Variants in MBTPS2 observed in about 807,000 individuals in gnomAD.
The protein encoded by MBTPS2 is membrane-bound transcription factor site-2 protease.
In MBTPS2, 2 loss-of-function variants were observed where a neutral mutation model predicts 35.4. The ratio of observed to expected loss-of-function variants is 0.06; its 90% CI spans 0.02 to 0.18. The LOEUF is 0.18. Among genes scored for constraint, MBTPS2 ranks in the 10% least tolerant of loss-of-function variants. MBTPS2 has a pLI of 1.00. For synonymous variants in MBTPS2, 125 were observed against 140.4 expected (o/e 0.89, Z 0.77); for missense variants, 244 against 386.5 (o/e 0.63, Z 3.09).
chrX:21,859,960 C>T (rs1372163412), intron 5 of MBTPS2, among the ~76,000 whole-genome samples: 3 of 110,151 alleles, frequency 2.7e-5, no homozygotes, highest in South Asian at 3.9e-4. Flanking sequence ...GAGTGTGGGG[C>T]GCACACCTGT....
At chrX:21,882,339 C>T in intron 10 of MBTPS2, 94 bp from the exon 11 acceptor site, 1 of 658,091 alleles carries the variant, frequency 1.5e-6, no homozygotes, top group Non-Finnish European at 2.5e-6. Flanking sequence ...AGTGTAATCT[C>T]TAATTCAGTC....
chrX:21,878,515 C>T lies in MBTPS2; in HGVS notation c.1084C>T (p.Arg362Trp), dbSNP rs747726888. Reference protein sequence around the residue: ...NKRLHTCLPARKAVEATQVCR... With the variant: ...NKRLHTCLPAWKAVEATQVCR... ...TTTATAGCATACATGTCTTCCTGCC[C>T]GGAAAGCAGTTGAAGCAACTCAAGT... Residue 362 changes from arginine (R) to tryptophan (W), a missense_variant, in exon 9 of 11, where the codon CGG becomes TGG. Physicochemically the swap from Arg to Trp is moderately radical, Grantham distance 101. Transcript: ENST00000379484. 8.3e-7 allele frequency: 1 copy of T among 1,206,011 alleles called. No individual in the cohort carries two copies. Among genetic ancestry groups the T allele is most frequent in the South Asian group, 1.8e-5 (1 of 56,796 alleles).
chrX:21,851,529 C>A lies in MBTPS2; in HGVS notation c.459C>A (p.Pro153=), dbSNP rs371946947. The A allele has an allele frequency of 4.2e-6, 5 of 1,202,085 alleles. No homozygotes were observed. The African/African-American group carries it at 8.8e-5, about 21-fold the overall frequency. The change falls in exon 4 of 11, where the codon CCC becomes CCA. Residue 153 remains proline, a synonymous_variant. Transcript: ENST00000379484. ...AACAGGTTCCTGGTATAAATTTACC[C>A]GTCAATCAACTGACCTATTTCTTCA... ...LQVVVPGINL[P]VNQLTYFFTA... is the part of the protein sequence containing the mutation.
intron 5 of MBTPS2, among the ~76,000 whole-genome samples, chrX:21,868,144 A>G (rs2092942772): frequency 9.0e-6 from 1 of 111,582 alleles, no homozygotes; most frequent in East Asian, 2.8e-4. Context: ...AAGATCACAA[A>G]TATGTTTAAA....
chrX:21,868,104 TTTA>T (rs1251673247), intron 5 of MBTPS2, among the ~76,000 whole-genome samples: 1 of 111,886 alleles, frequency 8.9e-6, no homozygotes, highest in Non-Finnish European at 1.9e-5. Context: ...AAGAGTTTTT[TTTA>T]TTTGAATGTA....
intron 5 of MBTPS2, among the ~76,000 whole-genome samples, chrX:21,863,607 G>A (rs1198689709): frequency 9.0e-6 from 1 of 111,337 alleles, no homozygotes; most frequent in Non-Finnish European, 1.9e-5. Flanking sequence ...TTCATATTAG[G>A]GTTAAAATGT....
intron 1 of MBTPS2, among the ~76,000 whole-genome samples, chrX:21,841,293 T>C (rs2092902277): frequency 1.8e-5 from 2 of 110,845 alleles, no homozygotes. Context: ...TGGTGGTGCA[T>C]GCCTGTAGTC....
chrX:21,856,529 C>A (rs771035415), intron 5 of MBTPS2: 1 of 1,211,328 alleles, frequency 8.3e-7, no homozygotes. Flanking sequence ...ACCTGGAGAT[C>A]CCGGCAGATA....
intron 5 of MBTPS2, among the ~76,000 whole-genome samples, chrX:21,864,300 C>T (rs1324521931): frequency 8.9e-6 from 1 of 111,985 alleles, no homozygotes; most frequent in Non-Finnish European, 1.9e-5. Flanking sequence ...ATGGCACGAT[C>T]TTGGCTCACT....
At chrX:21,846,437 C>G (rs1430204578) in intron 3 of MBTPS2, among the ~76,000 whole-genome samples, 1 of 112,085 alleles carries the variant, frequency 8.9e-6, no homozygotes, top group East Asian at 2.8e-4. Flanking sequence ...ATGGCGCGAT[C>G]TCAGCTCACC....
At chrX:21,844,676 G>C (rs2147428958) in intron 2 of MBTPS2, among the ~76,000 whole-genome samples, 1 of 112,017 alleles carries the variant, frequency 8.9e-6, no homozygotes, top group African/African-American at 3.2e-5. Flanking sequence ...AGAAAACATG[G>C]CAGATTATCT....
intron 3 of MBTPS2, 69 bp downstream of exon 3, chrX:21,845,453 G>A (rs1183455921): frequency 3.1e-6 from 3 of 970,966 alleles, no homozygotes; most frequent in Non-Finnish European, 4.3e-6. Flanking sequence ...ATGATCTAGT[G>A]TAACTCCTAT....
At chrX:21,841,141 G>A (rs1023633449) in intron 1 of MBTPS2, among the ~76,000 whole-genome samples, 9 of 111,806 alleles carry the variant, frequency 8.0e-5, no homozygotes, top group Admixed American at 7.6e-4. Context: ...TGATGTGGCC[G>A]GTCACAGTGG....
intron 3 of MBTPS2, among the ~76,000 whole-genome samples, chrX:21,850,131 A>C (rs2092913338): frequency 9.0e-6 from 1 of 111,230 alleles, no homozygotes. Context: ...TCTTCCTCCA[A>C]AATATTTAGG....
chrX:21,878,830 T>C lies in MBTPS2; in HGVS notation c.1261+138T>C. On this transcript the variant is annotated intron_variant, in intron 9 of 10. Coordinates refer to ENST00000379484, the MANE Select transcript of MBTPS2 (RefSeq NM_015884.4). Reference sequence around the variant, plus strand: ...TTATCAAAGTCTTGTTAACTTGTTCTTAAGCATTAAGTGAAAATTATGCAG... The same window carrying C: ...TTATCAAAGTCTTGTTAACTTGTTCCTAAGCATTAAGTGAAAATTATGCAG... 3 of 502,001 alleles carry C rather than the reference T, an allele frequency of 6.0e-6. No homozygotes were observed. The South Asian group carries it at 1.0e-4, about 17-fold the overall frequency. 41.4% of individuals were successfully genotyped at this position (502,001 alleles called of 1,213,427 possible).
rs779973246 is a variant in MBTPS2 at position 21,839,699 on chromosome X, G to C, written c.-36G>C. ...TTGGCGGTGCAGGGAGGAGGACGCC[G>C]GGGCTCGCCTTCCCTCCTCTGCCGC... On this transcript the variant is annotated 5_prime_UTR_variant, in exon 1 of 11. Coordinates refer to ENST00000379484, the MANE Select transcript of MBTPS2 (RefSeq NM_015884.4). The C allele has an allele frequency of 1.0e-4, 118 of 1,157,478 alleles. No homozygotes were observed. Among genetic ancestry groups the C allele is most frequent in the Non-Finnish European group, 1.3e-4 (116 of 864,507 alleles).
rs544935580 is a variant in MBTPS2, at chrX:21,855,832, C to T, written c.670+2329C>T. ...CGCCACTGCACTCCAGCCTGGGCGACGGAGCGAGACTCCGTCTCAAAAAAA... is the reference window on the plus strand; with the variant it reads ...CGCCACTGCACTCCAGCCTGGGCGATGGAGCGAGACTCCGTCTCAAAAAAA... On this transcript the variant is annotated intron_variant, in intron 5 of 10. Coordinates refer to ENST00000379484, the MANE Select transcript of MBTPS2 (RefSeq NM_015884.4). Among the ~76,000 whole-genome samples, 43 of 102,380 alleles carry T rather than the reference C, an allele frequency of 4.2e-4. No homozygotes were observed. The South Asian group carries it at 0.018, about 43-fold the overall frequency. 88.9% of individuals were successfully genotyped at this position (102,380 alleles called of 115,157 possible).
At position 21,883,040 on chromosome X, in the gene MBTPS2, A is replaced by G; in HGVS notation, c.*385A>G. On this transcript the variant is annotated 3_prime_UTR_variant, in exon 11 of 11. Transcript: ENST00000379484. The stretch of plus-strand genomic sequence containing the variant: ...CTTCTTACAAAAGCATCATTAATCA[A>G]AATTTGAAGGAGACCAGACTTTGGC... 1 of 825,781 alleles carries G rather than the reference A, an allele frequency of 1.2e-6. No individual in the cohort carries two copies. The highest frequency in any genetic ancestry group is 1.5e-6 in the Non-Finnish European group (1 of 683,072). 68.1% of individuals were successfully genotyped at this position (825,781 alleles called of 1,213,427 possible). A position where few individuals can be genotyped will look rare whatever the true frequency, so the allele number is the denominator to read the frequency against.
At chrX:21,872,301 A>G (rs1424063987) in intron 7 of MBTPS2, 8 of 111,977 alleles carry the variant, frequency 7.1e-5, no homozygotes. Flanking sequence ...CTGCATTTTC[A>G]GATGTTTAGG....
Sources: gnomAD v4.1 joint callset for allele counts (sites outside exome capture counted in the v4.1 genomes callset) on GRCh38, gnomAD v4.1.1 for gene constraint, MANE v1.5 for transcripts, NCBI Gene and HGNC (gene_info 2026-07-23, HGNC 2026-07-21) for gene names.